Variants in GPAM observed in about 807,000 individuals in gnomAD.
GPAM encodes glycerol-3-phosphate acyltransferase, mitochondrial, also known as glycerol-3-phosphate acyltransferase 1, mitochondrial.
A neutral mutation model predicts 105.0 loss-of-function variants in GPAM; 56 were observed. The ratio of observed to expected loss-of-function variants is 0.53; its 90% CI spans 0.43 to 0.67. The LOEUF is 0.67. Ranked by LOEUF, GPAM falls within the 30% of genes least tolerant of loss-of-function variation. GPAM has a pLI of 0.00. For missense variants in GPAM, 855 were observed against 989.8 expected, an observed-to-expected ratio of 0.86 and a Z score of 1.83; for synonymous variants, 368 against 354.4, an observed-to-expected ratio of 1.04 and a Z score of -0.43.
chr10:112,207,399 T>C (rs558368191), intron 1 of GPAM, among the ~76,000 whole-genome samples: 1 of 152,300 alleles, frequency 6.6e-6, no homozygotes, highest in African/African-American at 2.4e-5. Context: ...TGAGAAACAC[T>C]GCTTGAAATC....
chr10:112,175,150 T>C (rs1466399024), intron 6 of GPAM, among the ~76,000 whole-genome samples: 1 of 152,210 alleles, frequency 6.6e-6, no homozygotes, highest in Non-Finnish European at 1.5e-5. Context: ...GCAAAGGCAG[T>C]AATTCATTCT....
At chr10:112,218,674 A>C (rs1365632967), upstream of GPAM, among the ~76,000 whole-genome samples, 2 of 152,236 alleles carry the variant, frequency 1.3e-5, no homozygotes, top group Non-Finnish European at 2.9e-5. Context: ...AACTGAATAT[A>C]CTTATGGTTA....
chr10:112,226,132 C>G, the GPAM span, among the ~76,000 whole-genome samples: 1 of 152,166 alleles, frequency 6.6e-6, no homozygotes, highest in Non-Finnish European at 1.5e-5. Context: ...AAATAGCTTG[C>G]AATGTAGTTT....
chr10:112,188,285 A>G (rs574791539), upstream of GPAM, among the ~76,000 whole-genome samples: 2 of 152,344 alleles, frequency 1.3e-5, no homozygotes, highest in Admixed American at 1.3e-4. Context: ...ATGAACCTCT[A>G]GCCAGATTCA....
chr10:112,207,967 A>T (rs746822868), intron 1 of GPAM, among the ~76,000 whole-genome samples: 2 of 152,200 alleles, frequency 1.3e-5, no homozygotes, highest in Admixed American at 6.5e-5. Context: ...GGAACATTCA[A>T]CTACAGCCCA....
chr10:112,207,965 C>G (rs1172242193), intron 1 of GPAM, among the ~76,000 whole-genome samples: 1 of 152,226 alleles, frequency 6.6e-6, no homozygotes, highest in East Asian at 1.9e-4. Flanking sequence ...CAGGAACATT[C>G]AACTACAGCC....
chr10:112,190,660 T>C (rs7096937), intron 1 of GPAM, among the ~76,000 whole-genome samples: 109,357 of 152,022 alleles, frequency 0.72, 39,424 homozygotes, highest in South Asian at 0.83. Context: ...AAATAAGAGA[T>C]GTTAGAGGAT....
At chr10:112,225,576 G>A in the GPAM span, among the ~76,000 whole-genome samples, 4 of 152,198 alleles carry the variant, frequency 2.6e-5, no homozygotes, top group South Asian at 6.2e-4. Context: ...GTTTGTGGGA[G>A]TCTGAGTGGG....
At chr10:112,177,122 G>T (rs998802398) in intron 5 of GPAM, among the ~76,000 whole-genome samples, 1 of 152,170 alleles carries the variant, frequency 6.6e-6, no homozygotes, top group Non-Finnish European at 1.5e-5. Context: ...GAGAGAGAGA[G>T]ACCAGCAGCC....
In GPAM at chr10:112,210,877, G is replaced by A. The variant is rs192162040; in HGVS notation, n.210+4291C>T. Among the ~76,000 whole-genome samples the A allele has an allele frequency of 1.7e-4, 26 of 152,310 alleles. No individual in the cohort carries two copies. The East Asian group carries it at 4.6e-3, about 27-fold the overall frequency. ...TGGGGGAGGTCAAGTGGAAAGCATT[G>A]GGAGCACTCATGGGCAGCCAAGGAA... is the stretch of plus-strand genomic sequence containing the variant. On this transcript the variant is annotated intron_variant and non_coding_transcript_variant, in intron 1 of 3. Transcript: ENST00000480130.
At chr10:112,179,089 T>C (rs1316161140) in intron 4 of GPAM, among the ~76,000 whole-genome samples, 1 of 152,116 alleles carries the variant, frequency 6.6e-6, no homozygotes, top group East Asian at 1.9e-4. Flanking sequence ...AAAAGGAAAA[T>C]ACGATTTCAG....
intron 1 of GPAM, among the ~76,000 whole-genome samples, chr10:112,212,589 C>G (rs1448532907): frequency 6.6e-6 from 1 of 152,124 alleles, no homozygotes; most frequent in East Asian, 1.9e-4. Context: ...TAACAGAAAC[C>G]AGTCATCAGG....
At chr10:112,191,812 A>G (rs1847661916) in intron 1 of GPAM, among the ~76,000 whole-genome samples, 1 of 152,182 alleles carries the variant, frequency 6.6e-6, no homozygotes, top group South Asian at 2.1e-4. Flanking sequence ...GGCATTGAGA[A>G]GGGACAGGAC....
chr10:112,155,445 C>T (rs998360116), intron 20 of GPAM: 9 of 191,378 alleles, frequency 4.7e-5, no homozygotes, highest in Non-Finnish European at 8.6e-5. Context: ...AATTCTGTTC[C>T]CACATACATG....
Position 112,168,341 on chromosome 10 carries a change from T to C in GPAM, c.1078A>G (p.Ile360Val). The change falls in exon 11 of 22, where the codon ATC becomes GTC. Residue 360 changes from isoleucine (I) to valine (V), a missense_variant. Ile to Val is a conservative substitution (Grantham distance 29, BLOSUM62 3). Transcript: ENST00000348367. ...TGTTCACCATTGTAGTGACCTTCGA[T>C]AATGCGATCATAGGAGATTCCAACA... ...IPVGISYDRIIEGHYNGEQLG... is the reference protein window; with the variant it reads ...IPVGISYDRIVEGHYNGEQLG... 6.2e-7 allele frequency: 1 copy of C among 1,607,518 alleles called. No individual in the cohort carries two copies.
At chr10:112,206,745 A>C (rs1414095250) in intron 1 of GPAM, among the ~76,000 whole-genome samples, 2 of 151,456 alleles carry the variant, frequency 1.3e-5, no homozygotes, top group African/African-American at 4.9e-5. Context: ...TGTGCAGTGC[A>C]CCAGCATGGC....
At position 112,151,596 on chromosome 10, in the gene GPAM, A is replaced by C; in HGVS notation, c.*1954T>G. Reference sequence around the variant, plus strand: ...AACCAACCAAAAGGGAAAATAATGCAAGAGAAGCCGTATTTTCTTTGCTTA... The same window carrying C: ...AACCAACCAAAAGGGAAAATAATGCCAGAGAAGCCGTATTTTCTTTGCTTA... On this transcript the variant is annotated 3_prime_UTR_variant, in exon 22 of 22. Transcript: ENST00000348367. 1 of 985,764 alleles carries C rather than the reference A, an allele frequency of 1.0e-6. No individual in the cohort carries two copies. The highest frequency in any genetic ancestry group is 1.7e-5 in the African/African-American group (1 of 57,382). 61.1% of individuals were successfully genotyped at this position (985,764 alleles called of 1,614,324 possible).
chr10:112,201,558 G>A (rs932599930), intron 1 of GPAM, among the ~76,000 whole-genome samples: 3 of 152,178 alleles, frequency 2.0e-5, no homozygotes, highest in African/African-American at 4.8e-5. Flanking sequence ...CAGAGACTGT[G>A]TGGTTATGGT....
intron 1 of GPAM, among the ~76,000 whole-genome samples, chr10:112,202,743 T>C (rs1221136006): frequency 6.6e-6 from 1 of 152,182 alleles, no homozygotes; most frequent in Non-Finnish European, 1.5e-5. Context: ...CCATGGAGCC[T>C]GGACACCTCA....
Sources: gnomAD v4.1 joint callset for allele counts (sites outside exome capture counted in the v4.1 genomes callset) on GRCh38, gnomAD v4.1.1 for gene constraint, MANE v1.5 for transcripts, NCBI Gene and HGNC (gene_info 2026-07-23, HGNC 2026-07-21) for gene names.